Variants in RELN observed in about 807,000 individuals in gnomAD.
RELN encodes the protein reelin.
RELN carries 108 observed loss-of-function variants against 427.6 expected under a neutral mutation model. That is an observed-to-expected ratio of 0.25 (90% CI 0.22 to 0.30). The LOEUF (loss-of-function observed/expected upper bound fraction) is 0.30. RELN is among the 10% of genes least tolerant of loss of function. RELN has a pLI of 1.00. For missense variants in RELN, 3,715 were observed against 4,302.8 expected (o/e 0.86, Z 3.82); for synonymous variants, 1,524 against 1,513.4 (o/e 1.01, Z -0.16).
intron 1 of RELN, among the ~76,000 whole-genome samples, chr7:103,926,453 T>A (rs1464284077): frequency 6.6e-6 from 1 of 151,982 alleles, no homozygotes; most frequent in African/African-American, 2.4e-5. Flanking sequence ...TTAAATATGT[T>A]CATATTTGCA....
At chr7:103,885,336 C>G (rs1794700922) in intron 2 of RELN, among the ~76,000 whole-genome samples, 1 of 122,788 alleles carries the variant, frequency 8.1e-6, no homozygotes, top group East Asian at 2.1e-4. Flanking sequence ...AAGACTCCAT[C>G]TCAAAAAAAA....
chr7:103,743,166 T>G (rs1233430641), intron 6 of RELN, among the ~76,000 whole-genome samples: 1 of 151,820 alleles, frequency 6.6e-6, no homozygotes, highest in African/African-American at 2.4e-5. Flanking sequence ...CAAACTAAGC[T>G]TCATAAGTGA....
chr7:103,589,749 C>A lies in RELN; in HGVS notation c.3992G>T (p.Trp1331Leu). ...GTAACAGCCTTCTTTCACCAGAAAC[C>A]AGGACATACCAGCATCATGAGAGTA... The part of the protein sequence containing the change: ...LQYSHDAGMS[W>L]FLVKEGCYPA... The change falls in exon 28 of 65, where the codon TGG becomes TTG. Residue 1331 changes from tryptophan to leucine, a missense_variant. Physicochemically the swap from Trp to Leu is moderately conservative, Grantham distance 61. Transcript: ENST00000428762. 1 of 1,613,790 alleles carries A rather than the reference C, an allele frequency of 6.2e-7. No homozygotes were observed. The highest frequency in any genetic ancestry group is 8.5e-7 in the Non-Finnish European group (1 of 1,179,708).
At chr7:103,713,297 ATAGAAAGATCATAAAGT>A (rs1789851926) in intron 8 of RELN, among the ~76,000 whole-genome samples, 2 of 152,234 alleles carry the variant, frequency 1.3e-5, no homozygotes, top group African/African-American at 4.8e-5. Context: ...AGCATTTGGT[ATAGAAAGATCATAAAGT>A]TATAGAATGG....
intron 46 of RELN, among the ~76,000 whole-genome samples, chr7:103,524,695 G>C (rs1829785040): frequency 6.6e-6 from 1 of 152,206 alleles, no homozygotes; most frequent in Non-Finnish European, 1.5e-5. Context: ...ACAGGAAGGA[G>C]TTTGCATTTT....
At chr7:103,935,462 TGTC>T (rs1167104985) in intron 1 of RELN, among the ~76,000 whole-genome samples, 1 of 152,084 alleles carries the variant, frequency 6.6e-6, no homozygotes, top group East Asian at 1.9e-4. Context: ...AATTCCTTCT[TGTC>T]TTTTATTGGC....
rs1435055471 is a variant in RELN, at chr7:103,903,434, G to T, written c.337+13641C>A. Among the ~76,000 whole-genome samples the T allele has an allele frequency of 4.6e-5, 7 of 152,190 alleles. 1 individual carries two copies. The highest frequency in any genetic ancestry group is 5.9e-5 in the Non-Finnish European group (4 of 68,000). ...AAAGTATCCCATGTAATGACCTCCT[G>T]CTGTGTTCCTGTTCATTCTCTGTCA... is the stretch of plus-strand genomic sequence containing the variant. On this transcript the variant is annotated intron_variant, in intron 2 of 64. Transcript: ENST00000428762.
Position 103,911,927 on chromosome 7 carries a change from C to T in RELN, c.337+5148G>A, listed in dbSNP as rs572899762. Among the ~76,000 whole-genome samples the T allele has an allele frequency of 3.1e-3, 459 of 149,076 alleles. 2 individuals are homozygous for T. The highest frequency in any genetic ancestry group is 0.01 in the African/African-American group (420 of 40,350). On this transcript the variant is annotated intron_variant, in intron 2 of 64. Transcript: ENST00000428762. ...CTAGATGACGAGTTAGTGGGTGCAG[C>T]GCACCAGCATGGCACATGTATACAT...
intron 6 of RELN, among the ~76,000 whole-genome samples, chr7:103,740,249 G>A (rs1790608112): frequency 6.6e-6 from 1 of 152,184 alleles, no homozygotes; most frequent in South Asian, 2.1e-4. Context: ...AATAAAGAAA[G>A]TTTTATTTCT....
In RELN at chr7:103,832,643, A is replaced by G. The variant is rs75665709; in HGVS notation, c.473+894T>C. Reference sequence around the variant, plus strand: ...GGGGTAGGGGTTAGGGGTATAGTCCACATCAACAGATGTTACAGTCACAGC... The same window carrying G: ...GGGGTAGGGGTTAGGGGTATAGTCCGCATCAACAGATGTTACAGTCACAGC... On this transcript the variant is annotated intron_variant, in intron 3 of 64. Coordinates refer to ENST00000428762, the MANE Select transcript of RELN (RefSeq NM_005045.4). 8.2e-3 allele frequency among the ~76,000 whole-genome samples: 1,245 copies of G among 152,276 alleles called. 14 individuals carry two copies. Among genetic ancestry groups the G allele is most frequent in the African/African-American group, 0.028 (1,184 of 41,558 alleles).
At chr7:103,827,081 A>G (rs1045172847) in intron 3 of RELN, among the ~76,000 whole-genome samples, 1 of 152,022 alleles carries the variant, frequency 6.6e-6, no homozygotes, top group Non-Finnish European at 1.5e-5. Flanking sequence ...AGAGATTAAA[A>G]AAAGGAAGAA....
chr7:103,522,100 G>A lies in RELN; in HGVS notation c.7590C>T (p.Asn2530=), dbSNP rs766869538. 3 of 1,614,062 alleles carry A rather than the reference G, an allele frequency of 1.9e-6. No individual in the cohort carries two copies. ...ATTTCCCTCCGTTCACAGTCAGCCA[G>A]TTCTGACTGGATGGAGCTCGATTGA... is the stretch of plus-strand genomic sequence containing the variant. The part of the protein sequence containing the change: ...DNFNRAPSSQ[N]WLTVNGGKLS... The change falls in exon 48 of 65, where the codon AAC becomes AAT. Residue 2530 remains asparagine (N), a synonymous_variant. Coordinates refer to ENST00000428762, the MANE Select transcript of RELN (RefSeq NM_005045.4).
chr7:103,695,686 T>C (rs1833964128), intron 10 of RELN, among the ~76,000 whole-genome samples: 1 of 152,082 alleles, frequency 6.6e-6, no homozygotes, highest in African/African-American at 2.4e-5. Context: ...TAAATGACCA[T>C]CATCACAAAA....
intron 2 of RELN, among the ~76,000 whole-genome samples, chr7:103,865,818 T>C (rs1333493182): frequency 6.6e-6 from 1 of 152,148 alleles, no homozygotes; most frequent in Non-Finnish European, 1.5e-5. Flanking sequence ...ACCAGAAAGC[T>C]TTTGCTCTAA....
chr7:103,912,918 A>AT lies in RELN; in HGVS notation c.337+4156dup, dbSNP rs3216273. On this transcript the variant is annotated intron_variant, in intron 2 of 64. Transcript: ENST00000428762. ...TCAAAGTCAAAGACAAGAGAGAATCATTTTTTTTTCTGGGATGCACAAAGA... is the reference window on the plus strand; with the variant it reads ...TCAAAGTCAAAGACAAGAGAGAATCATTTTTTTTTTCTGGGATGCACAAAGA... 9.7e-3 allele frequency among the ~76,000 whole-genome samples: 1,468 copies of AT among 151,376 alleles called. 15 individuals are homozygous for AT. The highest frequency in any genetic ancestry group is 0.058 in the East Asian group (298 of 5,124).
intron 10 of RELN, among the ~76,000 whole-genome samples, chr7:103,688,815 A>T (rs3757736): frequency 0.031 from 4,761 of 151,874 alleles, 240 homozygotes; most frequent in African/African-American, 0.11. Context: ...AAATTAATAG[A>T]CTCTTGTGTT....
intron 1 of RELN, among the ~76,000 whole-genome samples, chr7:103,976,225 G>A (rs191090537): frequency 5.3e-5 from 8 of 152,290 alleles, no homozygotes; most frequent in Admixed American, 3.9e-4. Context: ...TGTTACTTTT[G>A]TTGGTAAAAT....
chr7:103,917,552 T>C (rs1795512930), intron 1 of RELN, among the ~76,000 whole-genome samples: 1 of 21,302 alleles, frequency 4.7e-5, no homozygotes, highest in African/African-American at 1.8e-4. Context: ...GATAAAATGC[T>C]TTTTTTTTTT....
intron 24 of RELN, 59 bp from the exon 25 acceptor site, chr7:103,596,720 G>C (rs1347569224): frequency 1.4e-6 from 2 of 1,458,154 alleles, no homozygotes; most frequent in South Asian, 1.2e-5. Context: ...GCATTTTGTT[G>C]TTTCAGTTCC....
Sources: gnomAD v4.1 joint callset for allele counts (sites outside exome capture counted in the v4.1 genomes callset) on GRCh38, gnomAD v4.1.1 for gene constraint, MANE v1.5 for transcripts, NCBI Gene and HGNC (gene_info 2026-07-23, HGNC 2026-07-21) for gene names.